RPS24: variants seen among roughly 807,000 people sequenced by gnomAD.
RPS24 encodes small ribosomal subunit protein eS24.
For synonymous variants in RPS24, 72 were observed against 55.6 expected (o/e 1.30, Z -1.31); for missense variants, 100 against 162.5 (o/e 0.62, Z 2.09).
chr10:78,037,519 C>T, intron 4 of RPS24: 1 of 661,398 alleles, frequency 1.5e-6, no homozygotes, highest in Non-Finnish European at 2.4e-6. Context: ...CTTGTCAGCT[C>T]ACAGCACAAT....
intron 3 of RPS24, chr10:78,036,243 T>C (rs1847864046): frequency 5.7e-6 from 1 of 174,284 alleles, no homozygotes; most frequent in South Asian, 1.3e-4. Context: ...CCTATCCTGT[T>C]AGATAAACCT....
At chr10:78,037,902 C>CTTTTTTTTTTTT (rs55902139) in intron 4 of RPS24, 20 of 379,920 alleles carry the variant, frequency 5.3e-5, no homozygotes, top group Admixed American at 1.4e-4. Context: ...GTTCTGTGAA[C>CTTTTTTTTTTTT]TTTTTTTTTT....
chr10:78,046,921 A>T (rs543402548), intron 4 of RPS24, among the ~76,000 whole-genome samples: 1 of 151,902 alleles, frequency 6.6e-6, no homozygotes, highest in African/African-American at 2.4e-5. Context: ...CTAGAAATTC[A>T]ATTTCTTGGG....
intron 4 of RPS24, among the ~76,000 whole-genome samples, chr10:78,048,210 C>CAA (rs1201279504): frequency 6.6e-6 from 1 of 152,186 alleles, no homozygotes; most frequent in East Asian, 1.9e-4. Context: ...TGGAATCTCT[C>CAA]AAACAAGATT....
downstream of RPS24, among the ~76,000 whole-genome samples, chr10:78,044,843 G>A (rs920420092): frequency 6.6e-6 from 1 of 151,294 alleles, no homozygotes; most frequent in South Asian, 2.1e-4. Context: ...TGGAGAATTA[G>A]ATGTTCTGCA....
rs992074498 is a variant in RPS24, at chr10:78,039,962, G to C, written c.391-242G>C. 3 of 587,750 alleles carry C rather than the reference G, an allele frequency of 5.1e-6. No homozygotes were observed. In the South Asian group the frequency reaches 5.7e-5, roughly 11 times the overall value. 36.4% of individuals were successfully genotyped at this position (587,750 alleles called of 1,614,324 possible). A position where few individuals can be genotyped will look rare whatever the true frequency, so the allele number is the denominator to read the frequency against. ...TAATGATCTCTTCATTGTGAAGTCC[G>C]GCTACCTCGTTTGCATAAGAACTAC... On this transcript the variant is annotated intron_variant, in intron 4 of 5. Coordinates refer to ENST00000372360, the MANE Select transcript of RPS24 (RefSeq NM_033022.4).
At chr10:78,052,950 G>A (rs1431928243) in intron 4 of RPS24, among the ~76,000 whole-genome samples, 2 of 151,984 alleles carry the variant, frequency 1.3e-5, no homozygotes, top group Non-Finnish European at 2.9e-5. Context: ...TCAGGAGTTC[G>A]AGACTGTCCT....
At chr10:78,039,233 AAAAAGAATTAGTC>A (rs751928740) in intron 4 of RPS24, 2 of 152,254 alleles carry the variant, frequency 1.3e-5, no homozygotes, top group African/African-American at 4.8e-5. Flanking sequence ...GAGAAGTTGC[AAAAAGAATTAGTC>A]AAAAGAATTA....
intron 3 of RPS24, 128 bp from the exon 4 acceptor site, chr10:78,037,066 G>A: frequency 9.1e-7 from 1 of 1,099,272 alleles, no homozygotes; most frequent in South Asian, 1.4e-5. Flanking sequence ...TGCATTAAAT[G>A]TACTTGAAAA....
At chr10:78,053,905 G>A (rs1007674069) in intron 4 of RPS24, among the ~76,000 whole-genome samples, 1 of 152,128 alleles carries the variant, frequency 6.6e-6, no homozygotes, top group African/African-American at 2.4e-5. Context: ...TGTCTACCAC[G>A]AACCAATTTG....
intron 1 of RPS24, among the ~76,000 whole-genome samples, chr10:78,034,609 A>G (rs1847820332): frequency 1.3e-5 from 2 of 152,224 alleles, no homozygotes; most frequent in African/African-American, 4.8e-5. Flanking sequence ...ATTTGCTGCC[A>G]TGAAAGTCTC....
At chr10:78,044,928 C>G (rs1848028057), downstream of RPS24, among the ~76,000 whole-genome samples, 1 of 151,944 alleles carries the variant, frequency 6.6e-6, no homozygotes, top group South Asian at 2.1e-4. Flanking sequence ...GGCTGCTCAT[C>G]ATGCATATTG....
rs996116354 is a variant in RPS24 at position 78,054,521 on chromosome 10, G to A, written c.391-10G>A. The A allele has an allele frequency of 6.6e-6, 10 of 1,526,060 alleles. No individual in the cohort carries two copies. The Admixed American group carries it at 8.0e-5, about 12-fold the overall frequency. The allele number at this position is 1,526,060 out of a possible 1,614,324, so 94.5% of individuals were successfully genotyped here. On this transcript the variant is annotated splice_polypyrimidine_tract_variant and intron_variant, in intron 4 of 4. Coordinates refer to the RPS24 transcript ENST00000440692. The stretch of plus-strand genomic sequence containing the variant: ...CCTCTGAGACTATTCTCTCCTTCCC[G>A]CTTTTGCAGATGAGGGAATTGGGGC...
In RPS24 at chr10:78,039,923, G is replaced by A. The variant is rs554031397; in HGVS notation, c.391-281G>A. 2.9e-5 allele frequency: 15 copies of A among 512,642 alleles called. No homozygotes were observed. The South Asian group carries it at 3.0e-4, about 10-fold the overall frequency. The allele number at this position is 512,642 out of a possible 1,614,324, so 31.8% of individuals were successfully genotyped here. ...TGACAAGTGGGCAAGGCCATCCTGG[G>A]TACCACATTGGCTTAATGATCTCTT... On this transcript the variant is annotated intron_variant, in intron 4 of 5. Transcript: ENST00000372360.
Position 78,033,914 on chromosome 10 carries a change from C to A in RPS24, c.3+10C>A. 1 of 1,614,070 alleles carries A rather than the reference C, an allele frequency of 6.2e-7. No individual in the cohort carries two copies. Among genetic ancestry groups the A allele is most frequent in the South Asian group, 1.1e-5 (1 of 91,088 alleles). ...ATAGATCGCCATCATGGTGAGTCTC[C>A]CTGGGCCCGTGCAGTCATCTGCCGC... On this transcript the variant is annotated intron_variant, in intron 1 of 5. Transcript: ENST00000372360.
chr10:78,037,373 A>G, intron 4 of RPS24, 69 bp downstream of exon 4: 4 of 1,515,450 alleles, frequency 2.6e-6, no homozygotes, highest in Non-Finnish European at 3.5e-6. Flanking sequence ...GAAAGAAGGG[A>G]TCTTATTAAT....
chr10:78,034,026 CAG>C lies in RPS24; in HGVS notation c.3+125_3+126del, dbSNP rs1847801029. 4 of 1,278,492 alleles carry C rather than the reference CAG, an allele frequency of 3.1e-6. No homozygotes were observed. In the South Asian group the frequency reaches 3.5e-5, roughly 11 times the overall value. 79.2% of individuals were successfully genotyped at this position (1,278,492 alleles called of 1,614,324 possible). A position where few individuals can be genotyped will look rare whatever the true frequency, so the allele number is the denominator to read the frequency against. ...GTTGCTCTTCTCTGGCCGTTTCTGT[CAG>C]AGGATGGTTGTCGAGGGGCTCGGGG... is the stretch of plus-strand genomic sequence containing the variant. On this transcript the variant is annotated intron_variant, in intron 1 of 5. Coordinates refer to ENST00000372360, the MANE Select transcript of RPS24 (RefSeq NM_033022.4).
chr10:78,052,389 C>T (rs909672662), intron 4 of RPS24, among the ~76,000 whole-genome samples: 1 of 152,152 alleles, frequency 6.6e-6, no homozygotes, highest in African/African-American at 2.4e-5. Context: ...TTGAATGTAA[C>T]AATAATACCT....
exon 5 of RPS24, chr10:78,055,243 C>T (rs1035553838): frequency 1.0e-4 from 48 of 472,980 alleles, no homozygotes; most frequent in Non-Finnish European, 1.4e-4. Context: ...CCAGCTCCAG[C>T]GGCTCCTACC....
Sources: allele counts gnomAD v4.1 joint callset (sites outside exome capture counted in the v4.1 genomes callset), GRCh38; gene constraint gnomAD v4.1.1; transcripts MANE v1.5; gene names NCBI Gene and HGNC (gene_info 2026-07-23, HGNC 2026-07-21).